The following HYAL1 variants were observed in gnomAD, a reference collection of about 807,000 sequenced individuals.
HYAL1 encodes the protein hyaluronidase 1.
Under a neutral mutation model 28.8 loss-of-function variants are expected in HYAL1, and 21 were observed. That is an observed-to-expected ratio of 0.73 (90% CI 0.52 to 1.05). HYAL1 has a LOEUF of 1.05. HYAL1 is among the 50% of genes least tolerant of loss of function. The probability of loss-of-function intolerance (pLI) is 0.00; values close to 1 mark genes in which losing one functional copy is unlikely to be tolerated. For synonymous variants in HYAL1, 200 were observed against 230.1 expected, an observed-to-expected ratio of 0.87 and a Z score of 1.18; for missense variants, 491 against 579.2, an observed-to-expected ratio of 0.85 and a Z score of 1.56.
At chr3:50,301,615 CAAAA>C (rs34686771) in intron 2 of HYAL1, among the ~76,000 whole-genome samples, 2 of 45,914 alleles carry the variant, frequency 4.4e-5, no homozygotes, top group African/African-American at 8.5e-5. Context: ...GACTCCGTCT[CAAAA>C]AAAAAAAAAA....
At chr3:50,308,355 C>T (rs1477982444), upstream of HYAL1, among the ~76,000 whole-genome samples, 3 of 151,230 alleles carry the variant, frequency 2.0e-5, no homozygotes, top group Non-Finnish European at 4.4e-5. Flanking sequence ...TCAAACTCCT[C>T]GCCTCAGGTG....
At position 50,301,072 on chromosome 3, in the gene HYAL1, C is replaced by T. The variant is rs372594999; in HGVS notation, c.906G>A (p.Glu302=). The T allele has an allele frequency of 5.6e-6, 9 of 1,611,566 alleles. No individual in the cohort carries two copies. In the African/African-American group the frequency reaches 1.2e-4, roughly 22 times the overall value. Residue 302 remains glutamate (E), a synonymous_variant, in exon 3 of 4, where the codon GAG becomes GAA. Transcript: ENST00000395144. ...DTTNHFLPLD[E]LEHSLGESAA... The stretch of plus-strand genomic sequence containing the variant: ...CACTCTCCCCCAGGCTGTGCTCCAG[C>T]TCATCCTGGGAAGGAGACAGCACAG...
chr3:50,309,685 C>T (rs1702408552), exon 2 of HYAL1: 1 of 150,074 alleles, frequency 6.7e-6, no homozygotes, highest in Admixed American at 6.6e-5. Context: ...ATGTCACTTT[C>T]TGGGGCCAGG....
upstream of HYAL1, among the ~76,000 whole-genome samples, chr3:50,307,344 A>C (rs1290803922): frequency 2.0e-5 from 3 of 150,708 alleles, no homozygotes; most frequent in African/African-American, 7.5e-5. Context: ...AGCCTGGGTG[A>C]CAGCAAGACT....
chr3:50,311,408 CA>C (rs1702448764), intron 1 of HYAL1, among the ~76,000 whole-genome samples: 1 of 142,672 alleles, frequency 7.0e-6, no homozygotes, highest in African/African-American at 2.6e-5. Context: ...AGGCGCCCCT[CA>C]CCTCCCGGAT....
At position 50,302,740 on chromosome 3, in the gene HYAL1, T is replaced by A; in HGVS notation, c.217A>T (p.Ile73Phe). The A allele has an allele frequency of 6.2e-7, 1 of 1,613,726 alleles. No homozygotes were observed. Among genetic ancestry groups the A allele is most frequent in the South Asian group, 1.1e-5 (1 of 91,058 alleles). Residue 73 changes from isoleucine (I) to phenylalanine (F), a missense_variant, in exon 2 of 4, where the codon ATT becomes TTT. Ile to Phe is a conservative substitution (Grantham distance 21, BLOSUM62 0). Coordinates refer to ENST00000395144, the MANE Select transcript of HYAL1 (RefSeq NM_033159.4). This position sits in a 1 kb window ranked among gnomAD's most constrained non-coding sequence, Gnocchi z 5.0. The stretch of plus-strand genomic sequence containing the variant: ...GTGCCCAGCTGGGAGCTATAGAAAA[T>A]TGTCATGTCAGGGCCGCGGAAGGTC... The part of the protein sequence containing the change: ...GQTFRGPDMT[I>F]FYSSQLGTYP...
intron 1 of HYAL1, among the ~76,000 whole-genome samples, chr3:50,310,167 A>G (rs1702417308): frequency 6.6e-6 from 1 of 151,038 alleles, no homozygotes; most frequent in South Asian, 2.1e-4. Context: ...GTTTGGAATG[A>G]ATTTTTCTTG....
upstream of HYAL1, among the ~76,000 whole-genome samples, chr3:50,306,611 G>C (rs1262087335): frequency 6.6e-6 from 1 of 151,206 alleles, no homozygotes; most frequent in East Asian, 1.9e-4. Flanking sequence ...TTTTGGCTGG[G>C]AGTGGTGGCT....
intron 2 of HYAL1, among the ~76,000 whole-genome samples, chr3:50,309,305 A>C (rs1224538152): frequency 6.7e-6 from 1 of 150,360 alleles, no homozygotes; most frequent in Non-Finnish European, 1.5e-5. Flanking sequence ...CTCTACTAAA[A>C]ACACAAAAAT....
At chr3:50,300,930 TCAGCTTAATGGCCCCACCCCTCCCCCACC>T in intron 3 of HYAL1, 29 bp downstream of exon 3, 1 of 1,455,650 alleles carries the variant, frequency 6.9e-7, no homozygotes, top group Non-Finnish European at 9.5e-7. Context: ...GTCTACCCCG[TCAGCTTAATGGCCCCACCCCTCCCCCACC>T]CCCACCCTCA....
At chr3:50,307,166 A>G (rs1553714099), upstream of HYAL1, among the ~76,000 whole-genome samples, 1 of 150,470 alleles carries the variant, frequency 6.6e-6, no homozygotes, top group Non-Finnish European at 1.5e-5. Flanking sequence ...GGAGTTTGAA[A>G]CCAACCTGGC....
At chr3:50,311,306 G>A (rs1445431951) in intron 1 of HYAL1, among the ~76,000 whole-genome samples, 9 of 139,394 alleles carry the variant, frequency 6.5e-5, no homozygotes, top group Non-Finnish European at 8.0e-5. Flanking sequence ...GCGGCTGGCC[G>A]GGCGGGGGGC....
rs2109302277 is a variant in HYAL1, at chr3:50,300,618, G to A, written c.1173C>T (p.Leu391=). 6.2e-6 allele frequency: 10 copies of A among 1,614,190 alleles called. No homozygotes were observed. The highest frequency in any genetic ancestry group is 7.6e-6 in the Non-Finnish European group (9 of 1,180,008). ...LLNPASFSIQ[L]TPGGGPLSLR... is the part of the protein sequence containing the mutation. ...GGCTCAGGGGCCCACCACCAGGCGT[G>A]AGCTGGATGGAGAAACTGGCAGGGT... Residue 391 remains leucine, a synonymous_variant, in exon 4 of 4, where the codon CTC becomes CTT. Coordinates refer to ENST00000395144, the MANE Select transcript of HYAL1 (RefSeq NM_033159.4).
At chr3:50,305,368 C>A (rs1218162008), upstream of HYAL1, among the ~76,000 whole-genome samples, 14 of 147,342 alleles carry the variant, frequency 9.5e-5, no homozygotes, top group East Asian at 6.2e-4. Flanking sequence ...CTCAGCCTCC[C>A]GAGTAGCTGG....
chr3:50,307,927 T>G (rs587637082), upstream of HYAL1, among the ~76,000 whole-genome samples: 75 of 148,560 alleles, frequency 5.0e-4, 1 homozygote, highest in African/African-American at 1.9e-3. Context: ...TCTGAGTAGC[T>G]GGGACTACAG....
intron 1 of HYAL1, 154 bp from the exon 2 acceptor site, chr3:50,303,134 G>A (rs956601166): frequency 1.3e-5 from 8 of 614,640 alleles, no homozygotes; most frequent in Non-Finnish European, 1.9e-5. Flanking sequence ...CAGGGGAGAC[G>A]CATGGAGGGG....
At position 50,300,728 on chromosome 3, in the gene HYAL1, C is replaced by A. The variant is rs1553712565; in HGVS notation, c.1063G>T (p.Ala355Ser). The A allele has an allele frequency of 1.2e-6, 2 of 1,613,962 alleles. No homozygotes were observed. The highest frequency in any genetic ancestry group is 2.7e-5 in the African/African-American group (2 of 74,924). The change falls in exon 4 of 4, where the codon GCC becomes TCC. Residue 355 changes from alanine (A) to serine (S), a missense_variant. Physicochemically the swap from Ala to Ser is moderately conservative, Grantham distance 99. Transcript: ENST00000395144. Reference sequence around the variant, plus strand: ...CACAGGGCTTGACTGCAGAGAAGGGCCCCACTGGTCACGTTCAGGATGAAG... The same window carrying A: ...CACAGGGCTTGACTGCAGAGAAGGGACCCACTGGTCACGTTCAGGATGAAG... ...GPFILNVTSG[A>S]LLCSQALCSG...
At position 50,302,091 on chromosome 3, in the gene HYAL1, A is replaced by T. The variant is rs782028491; in HGVS notation, c.866T>A (p.Ile289Asn). 3.7e-6 allele frequency: 6 copies of T among 1,614,222 alleles called. No individual in the cohort carries two copies. The South Asian group carries it at 6.6e-5, about 18-fold the overall frequency. ...PNLPVLPYVQ[I>N]FYDTTNHFLP... Reference sequence around the variant, plus strand: ...AAAGTGGTTTGTCGTGTCATAGAAGATCTGGACATAGGGCAGCACCGGCAG... The same window carrying T: ...AAAGTGGTTTGTCGTGTCATAGAAGTTCTGGACATAGGGCAGCACCGGCAG... Residue 289 changes from isoleucine (I) to asparagine (N), a missense_variant, in exon 2 of 4, where the codon ATC becomes AAC. Transcript: ENST00000395144. The surrounding 1 kb of genome is among the most constrained non-coding windows in gnomAD (Gnocchi z 5.0).
At position 50,302,310 on chromosome 3, in the gene HYAL1, T is replaced by C. The variant is rs1372459499; in HGVS notation, c.647A>G (p.Asn216Ser). 4 of 1,613,464 alleles carry C rather than the reference T, an allele frequency of 2.5e-6. No individual in the cohort carries two copies. Among genetic ancestry groups the C allele is most frequent in the East Asian group, 2.2e-5 (1 of 44,894 alleles). The change falls in exon 2 of 4, where the codon AAC becomes AGC. Residue 216 changes from asparagine to serine, a missense_variant. By Grantham distance (46) the Asn-to-Ser change is conservative (BLOSUM62 1). Coordinates refer to ENST00000395144, the MANE Select transcript of HYAL1 (RefSeq NM_033159.4). The surrounding 1 kb of genome is among the most constrained non-coding windows in gnomAD (Gnocchi z 5.0). ...DCYNYDFLSP[N>S]YTGQCPSGIR... is the part of the protein sequence containing the mutation. ...GCCTGATGGGCACTGGCCGGTGTAG[T>C]TGGGGCTTAGAAAGTCATAGTTGTA...
Sources: gnomAD v4.1 joint callset for allele counts (sites outside exome capture counted in the v4.1 genomes callset) on GRCh38, gnomAD v4.1.1 for gene constraint, Gnocchi (gnomAD v3.1) non-coding constraint, MANE v1.5 for transcripts, NCBI Gene and HGNC (gene_info 2026-07-23, HGNC 2026-07-21) for gene names.